ATXN8OS: variants seen among roughly 807,000 people sequenced by gnomAD.
The protein encoded by ATXN8OS is ATXN8 opposite strand lncRNA.
chr13:70,170,649 C>T (rs116529704), exon 5 of ATXN8OS, among the ~76,000 whole-genome samples: 2,481 of 152,026 alleles, frequency 0.016, 74 homozygotes, highest in African/African-American at 0.056. Flanking sequence ...TTATGATATG[C>T]GAATAAATAA....
chr13:70,108,283 A>C, intron 1 of ATXN8OS: 2 of 368,028 alleles, frequency 5.4e-6, no homozygotes, highest in Non-Finnish European at 4.8e-6. Context: ...CTTTTCGAGG[A>C]TGCCCCGATA....
chr13:70,122,967 T>G (rs9572375), intron 2 of ATXN8OS, among the ~76,000 whole-genome samples: 23,583 of 152,008 alleles, frequency 0.16, 2,300 homozygotes, highest in African/African-American at 0.28. Flanking sequence ...TGTTTTCTAA[T>G]TTGTAAAACT....
intron 4 of ATXN8OS, among the ~76,000 whole-genome samples, chr13:70,155,585 C>A (rs867071703): frequency 7.2e-5 from 11 of 152,208 alleles, no homozygotes; most frequent in Middle Eastern, 3.4e-3. Flanking sequence ...AAGGGAGAAA[C>A]ACCTTTCTCC....
chr13:70,132,699 C>T (rs1239531672), intron 3 of ATXN8OS, among the ~76,000 whole-genome samples: 1 of 152,040 alleles, frequency 6.6e-6, no homozygotes, highest in African/African-American at 2.4e-5. Context: ...ATAACATGAA[C>T]CCTAAATTGT....
At chr13:70,128,742 C>G (rs948092452) in intron 2 of ATXN8OS, among the ~76,000 whole-genome samples, 10 of 151,948 alleles carry the variant, frequency 6.6e-5, no homozygotes, top group African/African-American at 2.4e-4. Flanking sequence ...GATTCTTCCC[C>G]GCAGTGTCCT....
chr13:70,121,136 G>T (rs991010420), intron 2 of ATXN8OS, among the ~76,000 whole-genome samples: 1 of 151,578 alleles, frequency 6.6e-6, no homozygotes, highest in African/African-American at 2.4e-5. Context: ...GGAGAGAAAA[G>T]ATAAAAAATA....
intron 2 of ATXN8OS, among the ~76,000 whole-genome samples, chr13:70,116,962 G>A (rs1050448943): frequency 2.6e-5 from 4 of 151,658 alleles, no homozygotes; most frequent in Admixed American, 2.0e-4. Flanking sequence ...ATTTTTTTCT[G>A]TTCTTCACTG....
chr13:70,123,005 T>G (rs9564653), intron 2 of ATXN8OS, among the ~76,000 whole-genome samples: 12 of 151,868 alleles, frequency 7.9e-5, no homozygotes, highest in Non-Finnish European at 1.6e-4. Context: ...CAAGCTTTTG[T>G]GGAAAAATAA....
At chr13:70,120,924 G>T (rs1326575598) in intron 2 of ATXN8OS, among the ~76,000 whole-genome samples, 1 of 151,376 alleles carries the variant, frequency 6.6e-6, no homozygotes, top group African/African-American at 2.4e-5. Flanking sequence ...CCTGTTGTGG[G>T]GTGGGGGGAG....
intron 1 of ATXN8OS, among the ~76,000 whole-genome samples, chr13:70,109,899 A>T (rs908618845): frequency 5.3e-5 from 8 of 152,242 alleles, no homozygotes; most frequent in African/African-American, 1.9e-4. Flanking sequence ...TATAGAAATT[A>T]GTGCTTCATG....
intron 4 of ATXN8OS, among the ~76,000 whole-genome samples, chr13:70,160,242 A>G (rs571559048): frequency 6.6e-6 from 1 of 152,172 alleles, no homozygotes; most frequent in Non-Finnish European, 1.5e-5. Context: ...TTTTCAAATT[A>G]TAATAGGTAT....
At chr13:70,154,075 G>A (rs951564269) in intron 4 of ATXN8OS, among the ~76,000 whole-genome samples, 7 of 152,100 alleles carry the variant, frequency 4.6e-5, no homozygotes, top group African/African-American at 1.7e-4. Flanking sequence ...TCTGTCATGT[G>A]ACATCCTAGG....
chr13:70,129,467 G>A (rs933132007), intron 2 of ATXN8OS, among the ~76,000 whole-genome samples: 1 of 151,476 alleles, frequency 6.6e-6, no homozygotes, highest in Admixed American at 6.6e-5. Flanking sequence ...ATACACTCAG[G>A]CTTTCTTTCT....
intron 4 of ATXN8OS, among the ~76,000 whole-genome samples, chr13:70,153,133 T>C (rs745798585): frequency 6.6e-6 from 1 of 151,764 alleles, no homozygotes; most frequent in Non-Finnish European, 1.5e-5. Flanking sequence ...TTTATGACAA[T>C]ATTTAAGTGA....
intron 4 of ATXN8OS, among the ~76,000 whole-genome samples, chr13:70,158,693 T>A (rs1888965901): frequency 6.6e-6 from 1 of 152,230 alleles, no homozygotes; most frequent in Non-Finnish European, 1.5e-5. Context: ...ATAGACAGTA[T>A]ATAAACAAAT....
intron 4 of ATXN8OS, among the ~76,000 whole-genome samples, chr13:70,154,217 A>T (rs1202824736): frequency 6.6e-6 from 1 of 152,168 alleles, no homozygotes; most frequent in Non-Finnish European, 1.5e-5. Flanking sequence ...AATTGAATAA[A>T]GTTTTGTTCC....
chr13:70,144,994 T>G (rs917984332), intron 3 of ATXN8OS, among the ~76,000 whole-genome samples: 1 of 152,210 alleles, frequency 6.6e-6, no homozygotes, highest in African/African-American at 2.4e-5. Flanking sequence ...GTCTAACATG[T>G]AAGTCTTTAA....
rs1331565427 is a variant in ATXN8OS, at chr13:70,160,827, ATT to A, written n.574-8924_574-8923del. 2.2e-3 allele frequency among the ~76,000 whole-genome samples: 148 copies of A among 66,842 alleles called. 29 individuals carry two copies. The highest frequency in any genetic ancestry group is 5.3e-3 in the African/African-American group (134 of 25,324). 43.9% of individuals were successfully genotyped at this position (66,842 alleles called of 152,430 possible). ...TTATTATAAATATATATAAATATAT[ATT>A]TATATATATAAATATATTTATATTT... is the stretch of plus-strand genomic sequence containing the variant. On this transcript the variant is annotated intron_variant and non_coding_transcript_variant, in intron 4 of 4. Coordinates refer to ENST00000678624, the Ensembl canonical transcript of ATXN8OS.
intron 4 of ATXN8OS, among the ~76,000 whole-genome samples, chr13:70,157,659 C>A (rs1200831883): frequency 2.0e-5 from 3 of 152,034 alleles, no homozygotes; most frequent in Non-Finnish European, 4.4e-5. Flanking sequence ...CAGCTTAACA[C>A]ATAGTTGGGG....
Sources: gnomAD v4.1 joint callset for allele counts (sites outside exome capture counted in the v4.1 genomes callset) on GRCh38, gnomAD v4.1.1 for gene constraint, MANE v1.5 for transcripts, NCBI Gene and HGNC (gene_info 2026-07-23, HGNC 2026-07-21) for gene names.